Variants in FHIT observed in about 807,000 individuals in gnomAD.
The protein encoded by FHIT is bis(5'-adenosyl)-triphosphatase.
In FHIT, 19 loss-of-function variants were observed where a neutral mutation model predicts 17.9. The observed-to-expected ratio is 1.06, with a 90% CI of 0.74 to 1.56. FHIT has a LOEUF of 1.56. FHIT is among the 40% of genes most tolerant of loss of function. The pLI, the probability that FHIT is intolerant of heterozygous loss-of-function variation, is 0.00. For synonymous variants in FHIT, 81 were observed against 69.7 expected (o/e 1.16, Z -0.81); for missense variants, 248 against 189.2 (o/e 1.31, Z -1.82).
intron 7 of FHIT, among the ~76,000 whole-genome samples, chr3:59,981,829 T>C (rs1397997748): frequency 6.6e-6 from 1 of 152,140 alleles, no homozygotes; most frequent in Non-Finnish European, 1.5e-5. Context: ...TTAATCATTT[T>C]CTGGAATTCA....
rs527660178 is a variant in FHIT at position 61,245,718 on chromosome 3, T to A, written c.-213+5583A>T. Among the ~76,000 whole-genome samples the A allele has an allele frequency of 2.6e-5, 4 of 152,326 alleles. No homozygotes were observed. The East Asian group carries it at 5.8e-4, about 22-fold the overall frequency. ...TTACTTGACAAATAAAAATTGTATA[T>A]GTTTATGGTATACAACATGATGTTT... On this transcript the variant is annotated intron_variant, in intron 1 of 9. Transcript: ENST00000492590.
chr3:60,352,474 G>C (rs923652896), intron 5 of FHIT, among the ~76,000 whole-genome samples: 3 of 151,958 alleles, frequency 2.0e-5, no homozygotes, highest in African/African-American at 7.3e-5. Context: ...AATACAAAAA[G>C]CTATGCTTTT....
chr3:60,791,222 G>T lies in FHIT; in HGVS notation c.-18+30697C>A, dbSNP rs1012466873. On this transcript the variant is annotated intron_variant, in intron 4 of 9. Coordinates refer to ENST00000492590, the MANE Select transcript of FHIT (RefSeq NM_002012.4). The stretch of plus-strand genomic sequence containing the variant: ...AACAACCTTTTCACCTGTACATATT[G>T]TTTCTCCACATTGGAGCCCAGTAAA... Among the ~76,000 whole-genome samples the T allele has an allele frequency of 3.3e-5, 5 of 151,570 alleles. No individual in the cohort carries two copies. The East Asian group carries it at 9.7e-4, about 29-fold the overall frequency.
chr3:59,829,281 T>G lies in FHIT; in HGVS notation c.349-76960A>C, dbSNP rs2106695931. Among the ~76,000 whole-genome samples the G allele has an allele frequency of 2.0e-5, 3 of 152,330 alleles. 1 individual carries two copies. In the South Asian group the frequency reaches 6.2e-4, roughly 32 times the overall value. On this transcript the variant is annotated intron_variant, in intron 8 of 9. Transcript: ENST00000492590. ...TCTATATGGATCTATGTGCATCTAA[T>G]TAAAGGTTCATATTTGCAATGCAGG... is the stretch of plus-strand genomic sequence containing the variant.
At chr3:60,157,548 A>G (rs1228997467) in intron 5 of FHIT, among the ~76,000 whole-genome samples, 1 of 152,208 alleles carries the variant, frequency 6.6e-6, no homozygotes, top group Non-Finnish European at 1.5e-5. Context: ...AGCTAAATAC[A>G]GGCAGCAGTG....
chr3:59,888,335 C>T (rs990146591), intron 8 of FHIT, among the ~76,000 whole-genome samples: 3 of 152,120 alleles, frequency 2.0e-5, no homozygotes, highest in Non-Finnish European at 4.4e-5. Flanking sequence ...AAATTTTGTT[C>T]TAATAAGGAG....
chr3:59,966,600 G>A (rs1707937248), intron 7 of FHIT, among the ~76,000 whole-genome samples: 1 of 152,140 alleles, frequency 6.6e-6, no homozygotes, highest in Non-Finnish European at 1.5e-5. Flanking sequence ...TAATACTGTA[G>A]TTAATGGTAA....
At chr3:60,963,783 G>A (rs1575763223) in intron 3 of FHIT, among the ~76,000 whole-genome samples, 1 of 152,188 alleles carries the variant, frequency 6.6e-6, no homozygotes. Context: ...TGATTGCACT[G>A]TGGTCTGAGA....
At chr3:61,222,023 C>T (rs957875341) in intron 1 of FHIT, among the ~76,000 whole-genome samples, 2 of 152,214 alleles carry the variant, frequency 1.3e-5, no homozygotes, top group African/African-American at 4.8e-5. Flanking sequence ...CTGCTCCTGG[C>T]TCCTGGCCCA....
rs551382641 is a variant in FHIT at position 59,785,455 on chromosome 3, G to A, written c.349-33134C>T. Among the ~76,000 whole-genome samples the A allele has an allele frequency of 2.7e-3, 415 of 151,986 alleles. 1 individual carries two copies. Among genetic ancestry groups the A allele is most frequent in the African/African-American group, 8.9e-3 (370 of 41,448 alleles). ...CTCCCGAGTAGCTGGGTTTACAGGCGTGCATCATCATACCCAGCTAATTTT... is the reference window on the plus strand; with the variant it reads ...CTCCCGAGTAGCTGGGTTTACAGGCATGCATCATCATACCCAGCTAATTTT... On this transcript the variant is annotated intron_variant, in intron 8 of 9. Coordinates refer to ENST00000492590, the MANE Select transcript of FHIT (RefSeq NM_002012.4).
chr3:59,872,350 G>C (rs1261386479), intron 8 of FHIT, among the ~76,000 whole-genome samples: 1 of 152,178 alleles, frequency 6.6e-6, no homozygotes, highest in African/African-American at 2.4e-5. Flanking sequence ...TGAGGAGGGC[G>C]ATGAGGCTGA....
chr3:60,682,095 C>T lies in FHIT; in HGVS notation c.-18+139824G>A, dbSNP rs180834614. ...CAAGCAATTCTCCTGCCTCAGCCTC[C>T]CAAGTACCTGGGATTACAGGTGCCC... On this transcript the variant is annotated intron_variant, in intron 4 of 9. Transcript: ENST00000492590. Among the ~76,000 whole-genome samples the T allele has an allele frequency of 2.7e-4, 41 of 152,180 alleles. 1 individual carries two copies. The highest frequency in any genetic ancestry group is 9.4e-4 in the African/African-American group (39 of 41,504).
At chr3:60,611,930 C>A (rs781974609) in intron 4 of FHIT, among the ~76,000 whole-genome samples, 2 of 152,108 alleles carry the variant, frequency 1.3e-5, no homozygotes, top group African/African-American at 4.8e-5. Flanking sequence ...TCATGTAGGG[C>A]CCCCTTACTT....
chr3:60,554,849 A>G (rs1329500381), intron 4 of FHIT, among the ~76,000 whole-genome samples: 2 of 152,190 alleles, frequency 1.3e-5, no homozygotes, highest in African/African-American at 2.4e-5. Flanking sequence ...ATTGTTGGCA[A>G]TATTCATGGC....
At chr3:61,178,385 G>T (rs914527574) in intron 2 of FHIT, among the ~76,000 whole-genome samples, 3 of 151,740 alleles carry the variant, frequency 2.0e-5, no homozygotes, top group African/African-American at 7.3e-5. Flanking sequence ...TGCTGAGAAG[G>T]TGGTTAGTTT....
chr3:60,628,382 C>T (rs1454342942), intron 4 of FHIT, among the ~76,000 whole-genome samples: 2 of 152,148 alleles, frequency 1.3e-5, no homozygotes, highest in African/African-American at 4.8e-5. Context: ...GAAAATGTTC[C>T]ATGTACACTT....
At position 60,660,121 on chromosome 3, in the gene FHIT, A is replaced by G. The variant is rs186558900; in HGVS notation, c.-17-123142T>C. 2.7e-3 allele frequency among the ~76,000 whole-genome samples: 409 copies of G among 152,294 alleles called. 1 individual carries two copies. The highest frequency in any genetic ancestry group is 4.7e-3 in the Non-Finnish European group (318 of 68,032). On this transcript the variant is annotated intron_variant, in intron 4 of 9. Coordinates refer to ENST00000492590, the MANE Select transcript of FHIT (RefSeq NM_002012.4). The stretch of plus-strand genomic sequence containing the variant: ...GTCTTTAATGTCTGGCTCCAAACAC[A>G]AAAGGGGAAAAGAAAAAAAATGAAA...
Position 59,840,393 on chromosome 3 carries a change from T to A in FHIT, c.348+81953A>T, listed in dbSNP as rs202041792. On this transcript the variant is annotated intron_variant, in intron 8 of 9. Transcript: ENST00000492590. ...ATCATGTCACCAGATTATCCCCCTT[T>A]AAAAAAAAAAAAAAAAGAAAGAAAC... 1.4e-3 allele frequency among the ~76,000 whole-genome samples: 194 copies of A among 139,704 alleles called. 1 individual carries two copies. Among genetic ancestry groups the A allele is most frequent in the East Asian group, 4.2e-3 (20 of 4,816 alleles). The allele number at this position is 139,704 out of a possible 152,430, so 91.7% of individuals were successfully genotyped here.
intron 5 of FHIT, among the ~76,000 whole-genome samples, chr3:60,444,552 G>A (rs2031177621): frequency 6.6e-6 from 1 of 152,100 alleles, no homozygotes; most frequent in South Asian, 2.1e-4. Flanking sequence ...GTAGGGATGT[G>A]GATGAAACTA....
Sources: allele counts gnomAD v4.1 joint callset (sites outside exome capture counted in the v4.1 genomes callset), GRCh38; gene constraint gnomAD v4.1.1; transcripts MANE v1.5; gene names NCBI Gene and HGNC (gene_info 2026-07-23, HGNC 2026-07-21).